CEP70: variants seen among roughly 807,000 people sequenced by gnomAD.
CEP70 encodes centrosomal protein of 70 kDa.
In CEP70, 70 loss-of-function variants were observed where a neutral mutation model predicts 90.9. That is an observed-to-expected ratio of 0.77 (90% CI 0.64 to 0.94). The LOEUF (loss-of-function observed/expected upper bound fraction) is 0.94, where lower values mean the gene tolerates loss of function less well. Ranked by LOEUF, CEP70 falls within the 40% of genes least tolerant of loss-of-function variation. The pLI, the probability that CEP70 is intolerant of heterozygous loss-of-function variation, is 0.00. For missense variants in CEP70, 648 were observed against 669.0 expected (o/e 0.97, Z 0.35); for synonymous variants, 220 against 228.3 (o/e 0.96, Z 0.33).
chr3:138,502,537 T>A (rs1247312701), intron 13 of CEP70, among the ~76,000 whole-genome samples: 1 of 149,450 alleles, frequency 6.7e-6, no homozygotes, highest in African/African-American at 2.5e-5. Context: ...CCACTAGAAT[T>A]TGAAAAAAAA....
intron 6 of CEP70, among the ~76,000 whole-genome samples, chr3:138,546,543 G>A (rs935176338): frequency 1.3e-5 from 2 of 152,126 alleles, no homozygotes; most frequent in African/African-American, 4.8e-5. Context: ...GAGGTCAGGA[G>A]TTCGCGATCA....
At chr3:138,506,655 T>C (rs973877098) in intron 12 of CEP70, among the ~76,000 whole-genome samples, 7 of 152,210 alleles carry the variant, frequency 4.6e-5, no homozygotes, top group Admixed American at 2.6e-4. Context: ...TGACTTAAGA[T>C]GTTTATTACT....
chr3:138,576,519 T>C (rs1342571991), intron 2 of CEP70, among the ~76,000 whole-genome samples: 1 of 152,080 alleles, frequency 6.6e-6, no homozygotes, highest in Non-Finnish European at 1.5e-5. Flanking sequence ...TTTAACACCC[T>C]ACTGTCAATA....
chr3:138,590,075 A>G (rs1361354859), intron 2 of CEP70, among the ~76,000 whole-genome samples: 2 of 152,164 alleles, frequency 1.3e-5, no homozygotes, highest in Non-Finnish European at 2.9e-5. Flanking sequence ...CAGATAGAGC[A>G]TAACTGTTAA....
chr3:138,590,098 A>G (rs1296357045), intron 2 of CEP70, among the ~76,000 whole-genome samples: 1 of 152,170 alleles, frequency 6.6e-6, no homozygotes, highest in Non-Finnish European at 1.5e-5. Context: ...CAGAGAGAGA[A>G]GAAAAAATGA....
chr3:138,536,446 T>C (rs2038271729), intron 7 of CEP70, among the ~76,000 whole-genome samples: 2 of 152,084 alleles, frequency 1.3e-5, no homozygotes, highest in African/African-American at 4.8e-5. Context: ...GCATTATAAT[T>C]TGGTGACGCA....
At position 138,542,269 on chromosome 3, in the gene CEP70, C is replaced by T. The variant is rs191982692; in HGVS notation, c.466-4922G>A. 2.8e-3 allele frequency among the ~76,000 whole-genome samples: 422 copies of T among 152,322 alleles called. 2 individuals are homozygous for T. Among genetic ancestry groups the T allele is most frequent in the Middle Eastern group, 0.027 (8 of 294 alleles). Reference sequence around the variant, plus strand: ...GACCAGATGTACTGCAAGCAGCTTCCGCTGTGGGCACCAATGCCTGGACAA... The same window carrying T: ...GACCAGATGTACTGCAAGCAGCTTCTGCTGTGGGCACCAATGCCTGGACAA... On this transcript the variant is annotated intron_variant, in intron 6 of 17. Coordinates refer to ENST00000264982, the MANE Select transcript of CEP70 (RefSeq NM_024491.4).
intron 6 of CEP70, among the ~76,000 whole-genome samples, chr3:138,542,076 C>T (rs1194285169): frequency 1.3e-5 from 2 of 152,200 alleles, no homozygotes; most frequent in Admixed American, 1.3e-4. Context: ...GCTACCAGCC[C>T]AGACCCCATG....
intron 6 of CEP70, among the ~76,000 whole-genome samples, chr3:138,568,839 C>T (rs1472811766): frequency 1.3e-5 from 2 of 151,748 alleles, no homozygotes; most frequent in Non-Finnish European, 2.9e-5. Flanking sequence ...ATTAGCCGGG[C>T]GTGGTGGTGC....
At chr3:138,555,209 A>C (rs1445934464) in intron 6 of CEP70, among the ~76,000 whole-genome samples, 1 of 149,144 alleles carries the variant, frequency 6.7e-6, no homozygotes, top group Non-Finnish European at 1.5e-5. Context: ...AGAGTATGCC[A>C]TCGCACTCCA....
intron 6 of CEP70, among the ~76,000 whole-genome samples, chr3:138,540,838 A>C (rs1290472897): frequency 6.6e-6 from 1 of 152,218 alleles, no homozygotes; most frequent in East Asian, 1.9e-4. Context: ...ACATGGAATC[A>C]ACTGAAATAC....
chr3:138,539,177 C>T (rs1338646502), intron 6 of CEP70, among the ~76,000 whole-genome samples: 1 of 152,126 alleles, frequency 6.6e-6, no homozygotes, highest in Non-Finnish European at 1.5e-5. Context: ...TGCGTACCAT[C>T]ACACCTGGAT....
chr3:138,591,879 A>G lies in CEP70; in HGVS notation c.-31T>C, dbSNP rs1477921300. On this transcript the variant is annotated 5_prime_UTR_variant, in exon 2 of 18. Coordinates refer to ENST00000264982, the MANE Select transcript of CEP70 (RefSeq NM_024491.4). ...CTCAGTCATAGCATATTACTCTTGC[A>G]CTTTACACCTGGTCATTCAGGTTGA... 1 of 1,515,662 alleles carries G rather than the reference A, an allele frequency of 6.6e-7. No homozygotes were observed. Among genetic ancestry groups the G allele is most frequent in the Non-Finnish European group, 8.8e-7 (1 of 1,137,590 alleles). 93.9% of individuals were successfully genotyped at this position (1,515,662 alleles called of 1,614,324 possible).
intron 17 of CEP70, chr3:138,497,248 C>T: frequency 7.9e-7 from 1 of 1,260,354 alleles, no homozygotes; most frequent in Non-Finnish European, 1.0e-6. Context: ...TTCACTTATT[C>T]TTCTTATCAA....
At chr3:138,553,999 C>G (rs563721120) in intron 6 of CEP70, among the ~76,000 whole-genome samples, 72 of 152,096 alleles carry the variant, frequency 4.7e-4, no homozygotes, top group Middle Eastern at 6.8e-3. Context: ...TAGTTCAAGA[C>G]TAGCCTGGCC....
At chr3:138,514,314 A>G (rs1641657919) in intron 11 of CEP70, among the ~76,000 whole-genome samples, 1 of 152,210 alleles carries the variant, frequency 6.6e-6, no homozygotes, top group South Asian at 2.1e-4. Flanking sequence ...CAGATAATTA[A>G]CATGTATATA....
chr3:138,516,661 C>T (rs1435306481), intron 11 of CEP70, among the ~76,000 whole-genome samples: 1 of 152,220 alleles, frequency 6.6e-6, no homozygotes, highest in South Asian at 2.1e-4. Context: ...GCTGGGATTA[C>T]AGGCGTGAGC....
At chr3:138,530,737 T>C (rs1239421243) in intron 8 of CEP70, 3 of 985,300 alleles carry the variant, frequency 3.0e-6, no homozygotes, top group African/African-American at 1.7e-5. Flanking sequence ...TCTTTACTAA[T>C]GTAATACTTG....
chr3:138,539,766 A>G (rs2038595752), intron 6 of CEP70, among the ~76,000 whole-genome samples: 1 of 152,220 alleles, frequency 6.6e-6, no homozygotes, highest in African/African-American at 2.4e-5. Context: ...TAGTAACAGA[A>G]AAGTATCCAA....
Sources: allele counts gnomAD v4.1 joint callset (sites outside exome capture counted in the v4.1 genomes callset), GRCh38; gene constraint gnomAD v4.1.1; transcripts MANE v1.5; gene names NCBI Gene and HGNC (gene_info 2026-07-23, HGNC 2026-07-21).